Variants in AK5 observed in about 807,000 individuals in gnomAD.
AK5 encodes adenylate kinase 5.
AK5 carries 27 observed loss-of-function variants against 69.5 expected under a neutral mutation model. The observed-to-expected ratio is 0.39, with a 90% CI of 0.29 to 0.54. The LOEUF (loss-of-function observed/expected upper bound fraction) is 0.54, where lower values mean the gene tolerates loss of function less well. Among genes scored for constraint, AK5 ranks in the 20% least tolerant of loss-of-function variants. The probability of loss-of-function intolerance (pLI) is 0.71; values close to 1 mark genes in which losing one functional copy is unlikely to be tolerated. For synonymous variants in AK5, 260 were observed against 244.4 expected (o/e 1.06, Z -0.60); for missense variants, 531 against 700.4 (o/e 0.76, Z 2.73).
rs189002781 is a variant in AK5, at chr1:77,477,163, G to A, written c.1060-6154G>A. ...CAGCCTTAGCCTCCTGAGTAGCTGG[G>A]ACCACAGGTGCACACCACCATGCCC... is the stretch of plus-strand genomic sequence containing the variant. On this transcript the variant is annotated intron_variant, in intron 8 of 13. Coordinates refer to ENST00000354567, the MANE Select transcript of AK5 (RefSeq NM_174858.3). 3.7e-3 allele frequency among the ~76,000 whole-genome samples: 560 copies of A among 152,116 alleles called. 1 individual carries two copies. The highest frequency in any genetic ancestry group is 0.013 in the African/African-American group (547 of 41,524).
intron 8 of AK5, among the ~76,000 whole-genome samples, chr1:77,429,682 A>C (rs991369615): frequency 6.6e-6 from 1 of 152,088 alleles, no homozygotes; most frequent in African/African-American, 2.4e-5. Context: ...GATGGTCTAG[A>C]TCTCCTGACC....
At position 77,533,091 on chromosome 1, in the gene AK5, T is replaced by C. The variant is rs538969372; in HGVS notation, c.1429-2756T>C. Among the ~76,000 whole-genome samples, 6 of 152,346 alleles carry C rather than the reference T, an allele frequency of 3.9e-5. No individual in the cohort carries two copies. In the East Asian group the frequency reaches 1.2e-3, roughly 29 times the overall value. On this transcript the variant is annotated intron_variant, in intron 12 of 13. Coordinates refer to ENST00000354567, the MANE Select transcript of AK5 (RefSeq NM_174858.3). Reference sequence around the variant, plus strand: ...AATAACTGATCGATAGCTTTTTATATAGGAAGAGAGTGCTGATTCCAGGAG... The same window carrying C: ...AATAACTGATCGATAGCTTTTTATACAGGAAGAGAGTGCTGATTCCAGGAG...
intron 8 of AK5, among the ~76,000 whole-genome samples, chr1:77,468,867 C>G (rs1331964684): frequency 6.6e-6 from 1 of 152,194 alleles, no homozygotes; most frequent in African/African-American, 2.4e-5. Flanking sequence ...GCTATAAAGG[C>G]TGGCTTTTGA....
At chr1:77,536,974 T>C (rs1173641370) in intron 13 of AK5, among the ~76,000 whole-genome samples, 1 of 152,154 alleles carries the variant, frequency 6.6e-6, no homozygotes, top group Admixed American at 6.5e-5. Flanking sequence ...TCCTCATCCT[T>C]CCACTCATCC....
chr1:77,332,529 A>G (rs907297453), intron 5 of AK5, among the ~76,000 whole-genome samples: 2 of 150,650 alleles, frequency 1.3e-5, no homozygotes, highest in African/African-American at 4.8e-5. Context: ...TTTTCAACCC[A>G]GGAAATATAT....
rs571820562 is a variant in AK5, at chr1:77,418,720, T to C, written c.1059+1005T>C. Among the ~76,000 whole-genome samples, 48 of 152,330 alleles carry C rather than the reference T, an allele frequency of 3.2e-4. 1 individual carries two copies. The East Asian group carries it at 5.4e-3, about 17-fold the overall frequency. ...GCAATGGCTAAAAGCCAAGTGAACA[T>C]GTTCTTGGGGGAGGCTTTGTTCCCA... is the stretch of plus-strand genomic sequence containing the variant. On this transcript the variant is annotated intron_variant, in intron 8 of 13. Coordinates refer to ENST00000354567, the MANE Select transcript of AK5 (RefSeq NM_174858.3).
intron 8 of AK5, among the ~76,000 whole-genome samples, chr1:77,453,466 T>A (rs1253619642): frequency 6.6e-6 from 1 of 152,262 alleles, no homozygotes; most frequent in African/African-American, 2.4e-5. Flanking sequence ...TTCATTTCAC[T>A]GCAGTATAGT....
At chr1:77,533,520 A>AAAAAAC (rs755490799) in intron 12 of AK5, among the ~76,000 whole-genome samples, 3 of 148,818 alleles carry the variant, frequency 2.0e-5, no homozygotes, top group African/African-American at 7.6e-5. Context: ...AAAAAAAAAA[A>AAAAAAC]AAAAAAAAAA....
intron 6 of AK5, among the ~76,000 whole-genome samples, chr1:77,375,898 T>G (rs1347566646): frequency 6.6e-6 from 1 of 152,190 alleles, no homozygotes; most frequent in Non-Finnish European, 1.5e-5. Context: ...GAACCCCTGT[T>G]TTCTCATCTG....
chr1:77,333,208 A>G (rs1488276455), intron 5 of AK5, among the ~76,000 whole-genome samples: 3 of 152,094 alleles, frequency 2.0e-5, no homozygotes, highest in Admixed American at 6.5e-5. Flanking sequence ...ACTCTGTATC[A>G]AACACCTCTG....
Position 77,321,194 on chromosome 1 carries a change from G to A in AK5, c.700-19183G>A, listed in dbSNP as rs568978336. Among the ~76,000 whole-genome samples, 30 of 152,214 alleles carry A rather than the reference G, an allele frequency of 2.0e-4. No individual in the cohort carries two copies. In the South Asian group the frequency reaches 5.4e-3, roughly 27 times the overall value. On this transcript the variant is annotated intron_variant, in intron 5 of 13. Transcript: ENST00000354567. ...TAAGCCATTAATACAAGTCTCGGCC[G>A]GGCGTGGTGGCTCACTCCTATAATC...
intron 7 of AK5, among the ~76,000 whole-genome samples, chr1:77,412,935 T>A (rs192305712): frequency 6.0e-4 from 91 of 152,206 alleles, no homozygotes; most frequent in Non-Finnish European, 9.7e-4. Context: ...CCCACTGCAG[T>A]CACCAAACGC....
chr1:77,462,309 A>C (rs1653892109), intron 8 of AK5, among the ~76,000 whole-genome samples: 1 of 137,996 alleles, frequency 7.2e-6, no homozygotes, highest in African/African-American at 3.1e-5. Context: ...GGATAGATGG[A>C]TGGATGGATG....
At chr1:77,415,043 TA>T (rs1442339372) in intron 7 of AK5, among the ~76,000 whole-genome samples, 1 of 152,110 alleles carries the variant, frequency 6.6e-6, no homozygotes, top group African/African-American at 2.4e-5. Flanking sequence ...ATTTCATCCC[TA>T]ATGATACAAT....
chr1:77,414,242 G>A (rs140113723), intron 7 of AK5, among the ~76,000 whole-genome samples: 8 of 152,252 alleles, frequency 5.3e-5, no homozygotes, highest in Non-Finnish European at 8.8e-5. Context: ...AAACTGTAAC[G>A]AAACTGTTAA....
At chr1:77,384,173 C>T (rs1647847543) in intron 6 of AK5, among the ~76,000 whole-genome samples, 1 of 152,074 alleles carries the variant, frequency 6.6e-6, no homozygotes, top group Non-Finnish European at 1.5e-5. Flanking sequence ...GTAACTCAAA[C>T]GTGCAGTACC....
intron 10 of AK5, among the ~76,000 whole-genome samples, chr1:77,513,175 T>C (rs1657447187): frequency 1.3e-5 from 2 of 152,162 alleles, no homozygotes; most frequent in Non-Finnish European, 2.9e-5. Context: ...CCAAGTTCCA[T>C]TACTGAAGAC....
chr1:77,520,399 G>A (rs528109443), intron 11 of AK5, among the ~76,000 whole-genome samples: 2 of 152,148 alleles, frequency 1.3e-5, no homozygotes, highest in South Asian at 2.1e-4. Context: ...ATGGCTGCCC[G>A]CCACACTTAG....
chr1:77,511,797 A>G (rs1255321392), intron 10 of AK5, among the ~76,000 whole-genome samples: 1 of 152,222 alleles, frequency 6.6e-6, no homozygotes, highest in African/African-American at 2.4e-5. Context: ...GAAGTAGGGC[A>G]AAGGATTCAA....
Sources: gnomAD v4.1 joint callset for allele counts (sites outside exome capture counted in the v4.1 genomes callset) on GRCh38, gnomAD v4.1.1 for gene constraint, MANE v1.5 for transcripts, NCBI Gene and HGNC (gene_info 2026-07-23, HGNC 2026-07-21) for gene names.